The following SGCZ variants were observed in gnomAD, a reference collection of about 807,000 sequenced individuals.
SGCZ encodes the protein sarcoglycan zeta.
SGCZ carries 40 observed loss-of-function variants against 41.3 expected under a neutral mutation model. The observed-to-expected ratio is 0.97, with a 90% CI of 0.75 to 1.26. The LOEUF (loss-of-function observed/expected upper bound fraction) is 1.26. SGCZ is among the 50% of genes most tolerant of loss of function. The probability of loss-of-function intolerance (pLI) is 0.00; values close to 1 mark genes in which losing one functional copy is unlikely to be tolerated. For missense variants in SGCZ, 552 were observed against 369.8 expected (o/e 1.49, Z -4.04); for synonymous variants, 206 against 137.5 (o/e 1.50, Z -3.49).
intron 4 of SGCZ, among the ~76,000 whole-genome samples, chr8:14,166,626 C>T (rs1423809937): frequency 1.3e-5 from 2 of 152,218 alleles, no homozygotes; most frequent in East Asian, 1.9e-4. Flanking sequence ...CAAAATATAT[C>T]GCTGACTTTA....
chr8:14,123,772 C>G (rs980856320), intron 5 of SGCZ, among the ~76,000 whole-genome samples: 2 of 152,162 alleles, frequency 1.3e-5, no homozygotes, highest in African/African-American at 2.4e-5. Context: ...ATCCTAATCC[C>G]TGAAACCTGT....
At chr8:14,103,577 G>T (rs1392272989) in intron 6 of SGCZ, among the ~76,000 whole-genome samples, 1 of 152,122 alleles carries the variant, frequency 6.6e-6, no homozygotes, top group Non-Finnish European at 1.5e-5. Flanking sequence ...GCAAGAAAGT[G>T]AAACCTAAAA....
chr8:15,005,328 CTTTTTTTTTT>C (rs10603664), intron 1 of SGCZ, among the ~76,000 whole-genome samples: 2 of 78,726 alleles, frequency 2.5e-5, no homozygotes, highest in African/African-American at 1.0e-4. Flanking sequence ...TTTTCTTTTT[CTTTTTTTTTT>C]TTTTTTTTTT....
intron 2 of SGCZ, among the ~76,000 whole-genome samples, chr8:14,536,777 AT>A (rs34941050): frequency 0.088 from 13,435 of 151,868 alleles, 947 homozygotes; most frequent in African/African-American, 0.19. Context: ...TTTTTTTCCC[AT>A]TCAACCTTAA....
At chr8:14,598,909 G>A (rs562191453) in intron 1 of SGCZ, among the ~76,000 whole-genome samples, 12 of 152,176 alleles carry the variant, frequency 7.9e-5, no homozygotes, top group Non-Finnish European at 1.5e-4. Context: ...TCCCTCCCAT[G>A]ATTTAGATTT....
intron 2 of SGCZ, among the ~76,000 whole-genome samples, chr8:14,407,847 C>T (rs1336426613): frequency 6.6e-6 from 1 of 152,060 alleles, no homozygotes; most frequent in Non-Finnish European, 1.5e-5. Flanking sequence ...GCTCCTAAAC[C>T]TCCTAAATAC....
intron 3 of SGCZ, among the ~76,000 whole-genome samples, chr8:14,320,295 C>T (rs1801873869): frequency 6.6e-6 from 1 of 151,564 alleles, no homozygotes; most frequent in South Asian, 2.1e-4. Flanking sequence ...TATGAATTAG[C>T]TAGTATGAAA....
At chr8:14,396,165 G>A (rs921202694) in intron 2 of SGCZ, among the ~76,000 whole-genome samples, 16 of 152,046 alleles carry the variant, frequency 1.1e-4, no homozygotes, top group Non-Finnish European at 1.8e-4. Context: ...AGATATGACT[G>A]GGAAGATTAT....
At chr8:14,200,856 CGT>C (rs1275211813) in intron 4 of SGCZ, among the ~76,000 whole-genome samples, 6 of 152,146 alleles carry the variant, frequency 3.9e-5, no homozygotes, top group Non-Finnish European at 8.8e-5. Context: ...AATGAAGATA[CGT>C]CACAGAGCAG....
intron 7 of SGCZ, among the ~76,000 whole-genome samples, chr8:14,096,707 G>C (rs1203589850): frequency 2.0e-5 from 3 of 152,132 alleles, no homozygotes; most frequent in Non-Finnish European, 4.4e-5. Flanking sequence ...ACCTCTGGTA[G>C]AATTCAGCTT....
chr8:15,166,793 G>C (rs116110008), intron 1 of SGCZ, among the ~76,000 whole-genome samples: 5,715 of 152,170 alleles, frequency 0.038, 336 homozygotes, highest in African/African-American at 0.13. Context: ...CTCTTCAAGG[G>C]TGGTTTATAA....
chr8:14,593,938 G>A (rs930795940), intron 1 of SGCZ, among the ~76,000 whole-genome samples: 1 of 152,066 alleles, frequency 6.6e-6, no homozygotes, highest in Non-Finnish European at 1.5e-5. Flanking sequence ...ACTTTGGGAG[G>A]CCGAGATTGG....
intron 1 of SGCZ, among the ~76,000 whole-genome samples, chr8:14,772,502 T>C (rs949736786): frequency 2.0e-5 from 3 of 151,544 alleles, no homozygotes; most frequent in Non-Finnish European, 4.4e-5. Context: ...TATGTATACA[T>C]GTGCCATGCT....
At chr8:14,107,016 A>G (rs547265403) in intron 6 of SGCZ, among the ~76,000 whole-genome samples, 1 of 152,234 alleles carries the variant, frequency 6.6e-6, no homozygotes, top group African/African-American at 2.4e-5. Flanking sequence ...GGAGATAGAG[A>G]CTATCCGGAG....
At chr8:14,232,138 T>TAC (rs1806594377) in intron 4 of SGCZ, among the ~76,000 whole-genome samples, 1 of 150,978 alleles carries the variant, frequency 6.6e-6, no homozygotes, top group Admixed American at 6.6e-5. Flanking sequence ...TCTTTCATCA[T>TAC]ATATATATAC....
chr8:15,106,425 CTTTAAT>C (rs1367051505), intron 1 of SGCZ, among the ~76,000 whole-genome samples: 1 of 151,850 alleles, frequency 6.6e-6, no homozygotes, highest in Non-Finnish European at 1.5e-5. Context: ...CATTCATATA[CTTTAAT>C]TTTAAATTTT....
intron 2 of SGCZ, among the ~76,000 whole-genome samples, chr8:14,503,463 T>A (rs1394000156): frequency 2.0e-5 from 3 of 151,898 alleles, no homozygotes; most frequent in Non-Finnish European, 4.4e-5. Context: ...TGTATAAAAA[T>A]AAATAACACA....
chr8:15,131,238 G>A (rs553114028), intron 1 of SGCZ, among the ~76,000 whole-genome samples: 2 of 152,304 alleles, frequency 1.3e-5, no homozygotes, highest in South Asian at 2.1e-4. Context: ...CCCAGTGGGA[G>A]ATAACTGAAC....
chr8:14,579,597 A>G (rs961080284), intron 1 of SGCZ, among the ~76,000 whole-genome samples: 2 of 152,218 alleles, frequency 1.3e-5, no homozygotes, highest in Non-Finnish European at 2.9e-5. Context: ...TTCAGGGAAC[A>G]CTAGCTTTCT....
Sources: allele counts gnomAD v4.1 joint callset (sites outside exome capture counted in the v4.1 genomes callset), GRCh38; gene constraint gnomAD v4.1.1; transcripts MANE v1.5; gene names NCBI Gene and HGNC (gene_info 2026-07-23, HGNC 2026-07-21).